Variants in CIROP observed in about 807,000 individuals in gnomAD.
The protein encoded by CIROP is ciliated left-right organizer metallopeptidase.
At chr14:23,099,429 G>A in the CIROP span, 2 of 413,370 alleles carry the variant, frequency 4.8e-6, no homozygotes, top group African/African-American at 4.1e-5. Flanking sequence ...GCATTAGGCA[G>A]AGTCCCATGG....
At chr14:23,101,856 G>A in the CIROP span, 3 of 702,678 alleles carry the variant, frequency 4.3e-6, no homozygotes, top group Non-Finnish European at 7.8e-6. Flanking sequence ...CAGTACAGAA[G>A]AAGTCTGAGG....
At chr14:23,104,634 C>G in the CIROP span, 1 of 702,892 alleles carries the variant, frequency 1.4e-6, no homozygotes, top group Non-Finnish European at 2.6e-6. Flanking sequence ...AGTGGCCTCT[C>G]TCACTGCGGC....
chr14:23,101,508 C>T, the CIROP span: 2 of 631,274 alleles, frequency 3.2e-6, no homozygotes, highest in Non-Finnish European at 2.9e-6. Context: ...GGTAGATCTC[C>T]CCATGGGGAT....
the CIROP span, chr14:23,101,562 A>G: frequency 1.5e-6 from 1 of 675,624 alleles, no homozygotes. Context: ...TCCAGCATTC[A>G]CTCTGAAGGG....
At chr14:23,104,035 T>C in the CIROP span, among the ~76,000 whole-genome samples, 2 of 152,194 alleles carry the variant, frequency 1.3e-5, no homozygotes, top group Non-Finnish European at 2.9e-5. Context: ...ACTAAGTAAC[T>C]CTGATGGTGG....
the CIROP span, chr14:23,102,856 G>A: frequency 1.6e-6 from 1 of 625,638 alleles, no homozygotes; most frequent in Non-Finnish European, 2.9e-6. Context: ...TGACTTAATG[G>A]GAAACTGAGT....
the CIROP span, chr14:23,100,995 G>A: frequency 2.5e-6 from 1 of 399,114 alleles, no homozygotes; most frequent in Non-Finnish European, 4.4e-6. Context: ...AGACTCACAG[G>A]TGGGGAAGTA....
the CIROP span, chr14:23,099,461 A>T: frequency 2.5e-6 from 1 of 402,392 alleles, no homozygotes; most frequent in Non-Finnish European, 4.6e-6. Flanking sequence ...TGGGTCATGG[A>T]GGGATTATGG....
At chr14:23,100,751 A>G in the CIROP span, 2 of 398,888 alleles carry the variant, frequency 5.0e-6, no homozygotes, top group Non-Finnish European at 8.8e-6. Flanking sequence ...AAACAGATGC[A>G]GGCTTAAGAG....
the CIROP span, chr14:23,104,859 C>CT: frequency 7.1e-6 from 5 of 700,250 alleles, no homozygotes; most frequent in Non-Finnish European, 1.3e-5. Context: ...TAGACATCGG[C>CT]TTGCAGCAAC....
the CIROP span, chr14:23,103,505 G>A: frequency 3.5e-6 from 2 of 573,174 alleles, no homozygotes; most frequent in Non-Finnish European, 6.2e-6. Context: ...GGTGAGCTGT[G>A]ATTGGGCCGC....
the CIROP span, chr14:23,101,405 C>T: frequency 3.4e-6 from 2 of 590,850 alleles, no homozygotes; most frequent in Non-Finnish European, 6.0e-6. Flanking sequence ...AGCTCTGCTT[C>T]CTTGAGGTGT....
chr14:23,100,194 A>G, the CIROP span: 1 of 226,924 alleles, frequency 4.4e-6, no homozygotes, highest in Non-Finnish European at 8.9e-6. Context: ...GGTCGAGGCC[A>G]CAGTGAGCTG....
the CIROP span, chr14:23,101,124 C>A: frequency 2.5e-6 from 1 of 402,244 alleles, no homozygotes; most frequent in South Asian, 1.3e-4. Flanking sequence ...CTTACCTGTT[C>A]AAGTCTTCCT....
At chr14:23,102,304 A>G in the CIROP span, 1 of 701,982 alleles carries the variant, frequency 1.4e-6, no homozygotes. Flanking sequence ...TTAGCTGGCT[A>G]CTCCTTTCTT....
chr14:23,099,125 T>A, the CIROP span: 4 of 409,798 alleles, frequency 9.8e-6, no homozygotes, highest in African/African-American at 6.2e-5. Flanking sequence ...ACTGTAAAAC[T>A]TCACCCTTTT....
At chr14:23,101,065 A>C in the CIROP span, 4 of 399,978 alleles carry the variant, frequency 1.0e-5, no homozygotes, top group African/African-American at 8.2e-5. Context: ...AGAGAAGACC[A>C]TAGTACCCAG....
the CIROP span, chr14:23,104,630 C>G: frequency 1.4e-6 from 1 of 702,758 alleles, no homozygotes; most frequent in Non-Finnish European, 2.6e-6. Flanking sequence ...GCTGAGTGGC[C>G]TCTCTCACTG....
chr14:23,099,216 T>G, the CIROP span: 1 of 413,072 alleles, frequency 2.4e-6, no homozygotes, highest in Non-Finnish European at 4.4e-6. Flanking sequence ...ACACAATAGA[T>G]TTTCCATCCA....
Sources: allele counts gnomAD v4.1 joint callset (sites outside exome capture counted in the v4.1 genomes callset), GRCh38; gene constraint gnomAD v4.1.1; transcripts MANE v1.5; gene names NCBI Gene and HGNC (gene_info 2026-07-23, HGNC 2026-07-21).